Variants in RYR2 observed in about 807,000 individuals in gnomAD.
RYR2 encodes the protein ryanodine receptor 2.
RYR2 carries 227 observed loss-of-function variants against 601.1 expected under a neutral mutation model. The observed-to-expected ratio is 0.38, with a 90% confidence interval of 0.34 to 0.42. The LOEUF (loss-of-function observed/expected upper bound fraction) is 0.42. Ranked by LOEUF, RYR2 falls within the 10% of genes least tolerant of loss-of-function variation. RYR2 has a pLI of 1.00. For synonymous variants in RYR2, 2,223 were observed against 2,175.1 expected (o/e 1.02, Z -0.61); for missense variants, 4,646 against 6,156.5 (o/e 0.75, Z 8.21).
intron 27 of RYR2, among the ~76,000 whole-genome samples, chr1:237,556,445 C>A (rs1306875072): frequency 1.3e-5 from 2 of 149,428 alleles, no homozygotes; most frequent in Admixed American, 6.8e-5. Context: ...GGACTACATG[C>A]GCCTGCCACG....
intron 2 of RYR2, among the ~76,000 whole-genome samples, chr1:237,329,635 C>T (rs899169379): frequency 6.6e-6 from 1 of 151,030 alleles, no homozygotes; most frequent in East Asian, 1.9e-4. Flanking sequence ...CAGTGAGACT[C>T]CGTCTCAAAA....
At chr1:237,110,198 C>A (rs9428662) in intron 1 of RYR2, among the ~76,000 whole-genome samples, 7 of 151,860 alleles carry the variant, frequency 4.6e-5, no homozygotes, top group Non-Finnish European at 1.0e-4. Flanking sequence ...CTTGTTAAAA[C>A]GCAGATTGCT....
intron 27 of RYR2, among the ~76,000 whole-genome samples, chr1:237,563,822 C>T (rs1002903637): frequency 2.0e-5 from 3 of 152,048 alleles, no homozygotes; most frequent in African/African-American, 7.2e-5. Flanking sequence ...CTTGAGTGCA[C>T]TATACATATT....
intron 27 of RYR2, among the ~76,000 whole-genome samples, chr1:237,552,100 A>G (rs111660369): frequency 0.014 from 2,192 of 152,324 alleles, 18 homozygotes; most frequent in Non-Finnish European, 0.023. Context: ...ATGCTAACAT[A>G]ATATCTATCT....
chr1:237,228,337 C>CAT (rs1310322743), intron 1 of RYR2, among the ~76,000 whole-genome samples: 1 of 152,036 alleles, frequency 6.6e-6, no homozygotes, highest in Non-Finnish European at 1.5e-5. Context: ...TGTATTCCAT[C>CAT]ATATATATAT....
At position 237,657,709 on chromosome 1, in the gene RYR2, G is replaced by A. The variant is rs182828056; in HGVS notation, c.8130-235G>A. 3.3e-4 allele frequency among the ~76,000 whole-genome samples: 50 copies of A among 151,494 alleles called. No homozygotes were observed. In the East Asian group the frequency reaches 8.3e-3, roughly 25 times the overall value. The stretch of plus-strand genomic sequence containing the variant: ...ATTATAGTTTTATAATATGTAATTT[G>A]TTATGTTAGCACATAAAATATGAAT... On this transcript the variant is annotated intron_variant, in intron 53 of 104. Coordinates refer to ENST00000366574, the MANE Select transcript of RYR2 (RefSeq NM_001035.3).
At chr1:237,157,295 C>CAAAAAAAAAAA (rs33922740) in intron 1 of RYR2, among the ~76,000 whole-genome samples, 21 of 63,512 alleles carry the variant, frequency 3.3e-4, no homozygotes, top group African/African-American at 3.9e-4. Context: ...GACTCCATCT[C>CAAAAAAAAAAA]AAAAAAAAAA....
intron 10 of RYR2, among the ~76,000 whole-genome samples, chr1:237,399,428 T>C (rs573484568): frequency 2.0e-5 from 3 of 152,060 alleles, no homozygotes; most frequent in African/African-American, 7.2e-5. Context: ...AAAGGGCAAC[T>C]TGAAGGAACT....
intron 6 of RYR2, 148 bp from the exon 7 acceptor site, chr1:237,374,569 G>A: frequency 1.5e-6 from 1 of 648,004 alleles, no homozygotes; most frequent in Non-Finnish European, 2.8e-6. Flanking sequence ...GAGGTGGGAT[G>A]ACTGCTTGAG....
In RYR2 at chr1:237,566,781, T is replaced by G. The variant is rs1057521957; in HGVS notation, c.3423+6T>G. 11 of 1,613,722 alleles carry G rather than the reference T, an allele frequency of 6.8e-6. No individual in the cohort carries two copies. The African/African-American group carries it at 1.2e-4, about 18-fold the overall frequency. The stretch of plus-strand genomic sequence containing the variant: ...TTGCCTTTGATGGCTTCAAGGTGAG[T>G]GGACTTTGTCCTGTGCCAGTCATCT... On this transcript the variant is annotated splice_donor_region_variant and intron_variant, in intron 28 of 104. Coordinates refer to ENST00000366574, the MANE Select transcript of RYR2 (RefSeq NM_001035.3).
intron 11 of RYR2, among the ~76,000 whole-genome samples, chr1:237,417,425 C>G (rs1705125140): frequency 6.6e-6 from 1 of 152,182 alleles, no homozygotes; most frequent in South Asian, 2.1e-4. Flanking sequence ...CATCTCTTGG[C>G]AGAAATGGCT....
chr1:237,454,617 G>T (rs1658587878), intron 15 of RYR2, 43 bp downstream of exon 15: 1 of 1,586,192 alleles, frequency 6.3e-7, no homozygotes, highest in Non-Finnish European at 8.6e-7. Context: ...TTATTCTCTT[G>T]TAAAAACAGC....
At chr1:237,498,744 A>G (rs563223644) in intron 20 of RYR2, among the ~76,000 whole-genome samples, 13 of 152,320 alleles carry the variant, frequency 8.5e-5, no homozygotes, top group African/African-American at 3.1e-4. Context: ...ACCTTTTATT[A>G]CAAAGTATCT....
At chr1:237,583,635 C>T (rs969008051) in intron 29 of RYR2, among the ~76,000 whole-genome samples, 3 of 152,104 alleles carry the variant, frequency 2.0e-5, no homozygotes, top group Middle Eastern at 3.4e-3. Flanking sequence ...GCTTTTTGGC[C>T]ATTTGGTTTG....
At chr1:237,105,282 T>C (rs1048543178) in intron 1 of RYR2, among the ~76,000 whole-genome samples, 3 of 152,178 alleles carry the variant, frequency 2.0e-5, no homozygotes, top group Admixed American at 1.3e-4. Flanking sequence ...GGGGAAGACC[T>C]GTTGAAAAAC....
At chr1:237,658,380 T>G (rs1224155834) in intron 54 of RYR2, among the ~76,000 whole-genome samples, 1 of 151,970 alleles carries the variant, frequency 6.6e-6, no homozygotes, top group Non-Finnish European at 1.5e-5. Flanking sequence ...TAAGGAAACT[T>G]TGGTTTTATA....
intron 8 of RYR2, among the ~76,000 whole-genome samples, chr1:237,379,175 T>C (rs1701256896): frequency 6.6e-6 from 1 of 152,250 alleles, no homozygotes; most frequent in Non-Finnish European, 1.5e-5. Flanking sequence ...ATATAAATTA[T>C]ACACATACTT....
intron 1 of RYR2, among the ~76,000 whole-genome samples, chr1:237,252,308 A>G (rs1341111690): frequency 2.0e-5 from 3 of 151,726 alleles, no homozygotes; most frequent in Non-Finnish European, 2.9e-5. Context: ...CCTACTGCAG[A>G]GCTTTTGTGT....
intron 60 of RYR2, 27 bp downstream of exon 60, chr1:237,674,873 A>C: frequency 8.0e-7 from 1 of 1,255,034 alleles, no homozygotes; most frequent in African/African-American, 1.5e-5. Flanking sequence ...CATTGCTAAT[A>C]GCCCAGTGTT....
Sources: allele counts gnomAD v4.1 joint callset (sites outside exome capture counted in the v4.1 genomes callset), GRCh38; gene constraint gnomAD v4.1.1; transcripts MANE v1.5; gene names NCBI Gene and HGNC (gene_info 2026-07-23, HGNC 2026-07-21).